The following FAN1 variants were observed in gnomAD, a reference collection of about 807,000 sequenced individuals.
The protein encoded by FAN1 is FANCD2 and FANCI associated nuclease 1, also known as fanconi-associated nuclease 1.
A neutral mutation model predicts 104.9 loss-of-function variants in FAN1; 91 were observed. The observed-to-expected ratio is 0.87, with a 90% confidence interval of 0.73 to 1.03. The LOEUF (loss-of-function observed/expected upper bound fraction) is 1.03, where lower values mean the gene tolerates loss of function less well. FAN1 is among the 50% of genes least tolerant of loss of function. The pLI is 0.00. For missense variants in FAN1, 1,263 were observed against 1,239.9 expected, an observed-to-expected ratio of 1.02 and a Z score of -0.28; for synonymous variants, 478 against 457.6, an observed-to-expected ratio of 1.04 and a Z score of -0.57.
At chr15:30,906,596 A>G (rs1206683140) in intron 2 of FAN1, 2 of 444,832 alleles carry the variant, frequency 4.5e-6, no homozygotes, top group Non-Finnish European at 9.1e-6. Flanking sequence ...GCAGGAAAAA[A>G]CATGGTAGTC....
intron 13 of FAN1, among the ~76,000 whole-genome samples, chr15:30,931,850 T>C (rs546824881): frequency 6.6e-6 from 1 of 152,302 alleles, no homozygotes; most frequent in East Asian, 1.9e-4. Flanking sequence ...CTATAATGAC[T>C]TGTTTTTCAA....
chr15:30,926,334 C>T (rs978610126), intron 10 of FAN1, among the ~76,000 whole-genome samples: 4 of 152,196 alleles, frequency 2.6e-5, no homozygotes, highest in Admixed American at 2.0e-4. Context: ...AGGGGCCCTG[C>T]GGCCCATGCT....
At chr15:30,933,649 GTGT>G (rs1222591897) in intron 13 of FAN1, among the ~76,000 whole-genome samples, 4 of 152,126 alleles carry the variant, frequency 2.6e-5, no homozygotes, top group Non-Finnish European at 5.9e-5. Flanking sequence ...TTGGTTGATA[GTGT>G]TGTTTAAGTT....
rs1254395204 is a variant in FAN1, at chr15:30,941,764, G to A, written c.*202G>A. ...CTTCATCAGCCAGGAGGGAGAGCTT[G>A]TGAAAGGCTGTGATGGAGCCACCCA... On this transcript the variant is annotated 3_prime_UTR_variant, in exon 15 of 15. Coordinates refer to ENST00000362065, the MANE Select transcript of FAN1 (RefSeq NM_014967.5). The A allele has an allele frequency of 6.2e-7, 1 of 1,614,022 alleles. No homozygotes were observed. The highest frequency in any genetic ancestry group is 8.5e-7 in the Non-Finnish European group (1 of 1,179,890).
chr15:30,937,342 T>C, intron 14 of FAN1, 83 bp downstream of exon 14: 4 of 1,353,516 alleles, frequency 3.0e-6, no homozygotes, highest in Admixed American at 2.2e-5. Flanking sequence ...TTTGTTATCG[T>C]GCATTATAAA....
At chr15:30,940,065 A>G in intron 14 of FAN1, 3 of 982,368 alleles carry the variant, frequency 3.1e-6, no homozygotes, top group Non-Finnish European at 3.6e-6. Context: ...CACTTGTTTT[A>G]GAAAAGGAAA....
intron 5 of FAN1, among the ~76,000 whole-genome samples, chr15:30,915,419 A>G (rs12439079): frequency 0.051 from 7,825 of 152,306 alleles, 324 homozygotes; most frequent in Admixed American, 0.13. Context: ...AGTTTATTAT[A>G]TATTTTTAAA....
At position 30,937,148 on chromosome 15, in the gene FAN1, T is replaced by C; in HGVS notation, c.2946T>C (p.Arg982=). 1.2e-6 allele frequency: 2 copies of C among 1,613,816 alleles called. No individual in the cohort carries two copies. The highest frequency in any genetic ancestry group is 1.6e-4 in the Middle Eastern group (1 of 6,062). ...TGGAAGTTAAAGGCCCCAATGATCG[T>C]CTTTCACATAAGCAGATGATCTGGC... is the stretch of plus-strand genomic sequence containing the variant. ...KLVEVKGPND[R]LSHKQMIWLA... The change falls in exon 14 of 15, where the codon CGT becomes CGC. Residue 982 remains arginine, a synonymous_variant. Coordinates refer to ENST00000362065, the MANE Select transcript of FAN1 (RefSeq NM_014967.5).
chr15:30,909,539 C>T (rs1240779700), intron 3 of FAN1, among the ~76,000 whole-genome samples: 1 of 152,222 alleles, frequency 6.6e-6, no homozygotes, highest in East Asian at 1.9e-4. Flanking sequence ...CAGGTGACTG[C>T]TGCAGGTGAG....
In FAN1 at chr15:30,941,671, C is replaced by T; in HGVS notation, c.*109C>T. ...CGTTGAAGTACATCCTGCTCTGGCC[C>T]AGCTCCCCATAGCAGGCCTCCAGGG... On this transcript the variant is annotated 3_prime_UTR_variant, in exon 15 of 15. Coordinates refer to ENST00000362065, the MANE Select transcript of FAN1 (RefSeq NM_014967.5). 1 of 1,613,424 alleles carries T rather than the reference C, an allele frequency of 6.2e-7. No homozygotes were observed. The highest frequency in any genetic ancestry group is 8.5e-7 in the Non-Finnish European group (1 of 1,179,674).
chr15:30,929,082 C>T, intron 11 of FAN1, 121 bp from the exon 12 acceptor site: 2 of 871,510 alleles, frequency 2.3e-6, no homozygotes, highest in Non-Finnish European at 1.8e-6. Flanking sequence ...TTTTACTTAT[C>T]TTTTGAGAGA....
At chr15:30,937,809 G>A (rs1174729983) in intron 14 of FAN1, among the ~76,000 whole-genome samples, 1 of 151,904 alleles carries the variant, frequency 6.6e-6, no homozygotes, top group Non-Finnish European at 1.5e-5. Flanking sequence ...TATTGGAGCT[G>A]GATGCATCTA....
At chr15:30,937,767 CT>C (rs887061111) in intron 14 of FAN1, among the ~76,000 whole-genome samples, 1 of 151,548 alleles carries the variant, frequency 6.6e-6, no homozygotes, top group Non-Finnish European at 1.5e-5. Context: ...TCATAATGAA[CT>C]TTTTTAAAAG....
chr15:30,940,757 C>A, intron 14 of FAN1: 1 of 989,096 alleles, frequency 1.0e-6, no homozygotes, highest in South Asian at 4.6e-5. Flanking sequence ...TGGGATTTTC[C>A]CACCCCAATT....
chr15:30,932,720 T>TC (rs1566934062), intron 13 of FAN1, among the ~76,000 whole-genome samples: 1 of 149,088 alleles, frequency 6.7e-6, no homozygotes, highest in African/African-American at 2.5e-5. Context: ...TCTTTTCTTT[T>TC]TTTTTTTTTT....
At chr15:30,928,699 C>G (rs779752276) in intron 11 of FAN1, 43 bp downstream of exon 11, 15 of 1,612,158 alleles carry the variant, frequency 9.3e-6, no homozygotes, top group Non-Finnish European at 1.3e-5. Context: ...CTTCTGCACA[C>G]ATCCGTGGCT....
intron 5 of FAN1, among the ~76,000 whole-genome samples, chr15:30,914,902 A>G (rs2062170726): frequency 6.6e-6 from 1 of 152,264 alleles, no homozygotes; most frequent in South Asian, 2.1e-4. Flanking sequence ...CAATAAAAGT[A>G]GATTTTGAAC....
chr15:30,908,379 T>C, intron 3 of FAN1, 121 bp downstream of exon 3: 2 of 728,082 alleles, frequency 2.7e-6, no homozygotes, highest in Non-Finnish European at 4.2e-6. Flanking sequence ...CTTACTGTTT[T>C]TTAATTGAAT....
chr15:30,920,707 T>C, intron 7 of FAN1, 54 bp downstream of exon 7: 1 of 1,034,614 alleles, frequency 9.7e-7, no homozygotes, highest in Non-Finnish European at 1.5e-6. Context: ...GCGTTAAACA[T>C]GTGAAGGGAC....
Sources: allele counts gnomAD v4.1 joint callset (sites outside exome capture counted in the v4.1 genomes callset), GRCh38; gene constraint gnomAD v4.1.1; transcripts MANE v1.5; gene names NCBI Gene and HGNC (gene_info 2026-07-23, HGNC 2026-07-21).